Variants in ZNF385D observed in about 807,000 individuals in gnomAD.
The protein encoded by ZNF385D is zinc finger protein 659.
In ZNF385D, 15 loss-of-function variants were observed where a neutral mutation model predicts 35.8. That is an observed-to-expected ratio of 0.42 (90% CI 0.28 to 0.64). The LOEUF (loss-of-function observed/expected upper bound fraction) is 0.64. Ranked by LOEUF, ZNF385D falls within the 30% of genes least tolerant of loss-of-function variation. ZNF385D has a pLI of 0.23. For synonymous variants in ZNF385D, 212 were observed against 186.8 expected, an observed-to-expected ratio of 1.13 and a Z score of -1.10; for missense variants, 474 against 494.6, an observed-to-expected ratio of 0.96 and a Z score of 0.39.
chr3:22,080,376 T>C (rs1262977845), intron 3 of ZNF385D, among the ~76,000 whole-genome samples: 1 of 152,162 alleles, frequency 6.6e-6, no homozygotes, highest in Non-Finnish European at 1.5e-5. Flanking sequence ...ACACTCATTC[T>C]ACTTTTGTTT....
chr3:22,094,365 G>A (rs1418042644), intron 3 of ZNF385D, among the ~76,000 whole-genome samples: 1 of 67,156 alleles, frequency 1.5e-5, no homozygotes, highest in East Asian at 3.5e-4. Flanking sequence ...TTTTACCATT[G>A]TCTTCTGTCA....
At chr3:22,140,699 T>G (rs960411286) in intron 3 of ZNF385D, among the ~76,000 whole-genome samples, 1 of 152,190 alleles carries the variant, frequency 6.6e-6, no homozygotes, top group Non-Finnish European at 1.5e-5. Context: ...TTTTGAAACA[T>G]CTGAAATTAT....
rs115922668 is a variant in ZNF385D, at chr3:21,849,371, A to T, written c.326-184343T>A. On this transcript the variant is annotated intron_variant, in intron 3 of 5. Transcript: ENST00000494108. ...AATTGCTAATTTAAATATTTATACA[A>T]GTTATTACATAGCATGCTTTTCTGG... Among the ~76,000 whole-genome samples, 577 of 152,222 alleles carry T rather than the reference A, an allele frequency of 3.8e-3. 3 individuals are homozygous for T. Among genetic ancestry groups the T allele is most frequent in the African/African-American group, 0.013 (561 of 41,566 alleles).
At chr3:21,837,691 G>T (rs1355176970) in intron 3 of ZNF385D, among the ~76,000 whole-genome samples, 1 of 152,000 alleles carries the variant, frequency 6.6e-6, no homozygotes, top group Non-Finnish European at 1.5e-5. Flanking sequence ...GGCCAACATG[G>T]TGAAACTTCG....
At chr3:21,798,414 C>T (rs958834305) in intron 3 of ZNF385D, among the ~76,000 whole-genome samples, 22 of 152,098 alleles carry the variant, frequency 1.4e-4, no homozygotes, top group Non-Finnish European at 2.6e-4. Context: ...TCTCTAGACG[C>T]GGGACCACAC....
At position 21,720,255 on chromosome 3, in the gene ZNF385D, A is replaced by T. The variant is rs573781144; in HGVS notation, c.22+30640T>A. 2.6e-5 allele frequency among the ~76,000 whole-genome samples: 4 copies of T among 152,264 alleles called. No individual in the cohort carries two copies. The South Asian group carries it at 8.3e-4, about 32-fold the overall frequency. ...GACCAGCAGCATCGTCATCATCGGGAAACTTGTTAGAAATACAAATTCTGG... is the reference window on the plus strand; with the variant it reads ...GACCAGCAGCATCGTCATCATCGGGTAACTTGTTAGAAATACAAATTCTGG... On this transcript the variant is annotated intron_variant, in intron 1 of 7. Coordinates refer to ENST00000281523, the MANE Select transcript of ZNF385D (RefSeq NM_024697.3).
chr3:21,832,003 G>C (rs977253377), intron 3 of ZNF385D, among the ~76,000 whole-genome samples: 1 of 152,026 alleles, frequency 6.6e-6, no homozygotes, highest in African/African-American at 2.4e-5. Flanking sequence ...CCTTTAATTA[G>C]CTTGCATACC....
At chr3:22,216,515 A>G (rs1019013639) in intron 2 of ZNF385D, among the ~76,000 whole-genome samples, 6 of 152,084 alleles carry the variant, frequency 3.9e-5, no homozygotes. Flanking sequence ...AGAGGTTTCA[A>G]GTAACAGAAA....
chr3:21,891,584 A>G (rs1235008728), intron 3 of ZNF385D, among the ~76,000 whole-genome samples: 1 of 152,232 alleles, frequency 6.6e-6, no homozygotes, highest in Non-Finnish European at 1.5e-5. Flanking sequence ...CAATTAAACT[A>G]GAATCCAGCA....
intron 2 of ZNF385D, among the ~76,000 whole-genome samples, chr3:22,192,701 C>T (rs565236351): frequency 6.6e-6 from 1 of 152,274 alleles, no homozygotes; most frequent in African/African-American, 2.4e-5. Context: ...TGCTTCCTAA[C>T]CAAGCTTCTT....
At chr3:21,670,396 T>C (rs892180207) in intron 1 of ZNF385D, among the ~76,000 whole-genome samples, 10 of 151,942 alleles carry the variant, frequency 6.6e-5, no homozygotes, top group Non-Finnish European at 1.0e-4. Context: ...ATACAGAGCA[T>C]TTTGTATAAT....
At chr3:21,632,118 A>T (rs1222760733) in intron 2 of ZNF385D, among the ~76,000 whole-genome samples, 1 of 152,158 alleles carries the variant, frequency 6.6e-6, no homozygotes, top group Non-Finnish European at 1.5e-5. Context: ...GTACTGTCAC[A>T]GAGATAATAT....
At chr3:21,493,823 A>G (rs1322950127) in intron 4 of ZNF385D, among the ~76,000 whole-genome samples, 1 of 152,170 alleles carries the variant, frequency 6.6e-6, no homozygotes, top group Non-Finnish European at 1.5e-5. Flanking sequence ...AAAAGAATTA[A>G]AGCACTTTTC....
Position 22,006,639 on chromosome 3 carries a change from A to G in ZNF385D, c.325+162178T>C, listed in dbSNP as rs562503679. Among the ~76,000 whole-genome samples the G allele has an allele frequency of 3.9e-5, 6 of 152,196 alleles. No homozygotes were observed. In the East Asian group the frequency reaches 9.7e-4, roughly 24 times the overall value. On this transcript the variant is annotated intron_variant, in intron 3 of 5. Coordinates refer to the ZNF385D transcript ENST00000494108. ...AGAGAGTTAAGTAGGAATAAATTGG[A>G]AAAGAAAATAGAAGAGACATTAAGA...
At chr3:21,729,846 A>G (rs2068917129) in intron 1 of ZNF385D, among the ~76,000 whole-genome samples, 1 of 152,232 alleles carries the variant, frequency 6.6e-6, no homozygotes, top group South Asian at 2.1e-4. Flanking sequence ...CCTGTTTGAA[A>G]TAAATCACCA....
chr3:22,008,161 G>A (rs1559843713), intron 3 of ZNF385D, among the ~76,000 whole-genome samples: 2 of 151,898 alleles, frequency 1.3e-5, no homozygotes, highest in South Asian at 2.1e-4. Flanking sequence ...TGTTGGAACC[G>A]AAGCTCCTCA....
At chr3:21,938,642 T>C (rs1701372732) in intron 3 of ZNF385D, among the ~76,000 whole-genome samples, 1 of 152,202 alleles carries the variant, frequency 6.6e-6, no homozygotes, top group Admixed American at 6.5e-5. Flanking sequence ...ACACCTGCCA[T>C]GTCAGTCACA....
intron 3 of ZNF385D, among the ~76,000 whole-genome samples, chr3:21,534,369 C>T (rs4858005): frequency 0.011 from 1,712 of 152,114 alleles, 89 homozygotes; most frequent in Admixed American, 0.091. Context: ...CACTCTAAGA[C>T]GTCTACTGTA....
chr3:21,765,594 G>A (rs2070792505), intron 3 of ZNF385D, among the ~76,000 whole-genome samples: 1 of 151,866 alleles, frequency 6.6e-6, no homozygotes, highest in African/African-American at 2.4e-5. Context: ...GTAGGTAGTA[G>A]AGACTCAGGT....
Sources: allele counts gnomAD v4.1 joint callset (sites outside exome capture counted in the v4.1 genomes callset), GRCh38; gene constraint gnomAD v4.1.1; transcripts MANE v1.5; gene names NCBI Gene and HGNC (gene_info 2026-07-23, HGNC 2026-07-21).